The following PHIP variants were observed in gnomAD, a reference collection of about 807,000 sequenced individuals.
The protein encoded by PHIP is PHIP subunit of CUL4-Ring ligase complex, also known as PH-interacting protein.
In PHIP, 54 loss-of-function variants were observed where a neutral mutation model predicts 236.8. The observed-to-expected ratio is 0.23, with a 90% confidence interval of 0.18 to 0.29. The LOEUF (loss-of-function observed/expected upper bound fraction) is 0.29. Among genes scored for constraint, PHIP ranks in the 10% least tolerant of loss-of-function variants. The probability of loss-of-function intolerance (pLI) is 1.00; values close to 1 mark genes in which losing one functional copy is unlikely to be tolerated. For missense variants in PHIP, 1,370 were observed against 2,190.8 expected, an observed-to-expected ratio of 0.63 and a Z score of 7.48; for synonymous variants, 756 against 718.9, an observed-to-expected ratio of 1.05 and a Z score of -0.83.
At chr6:79,073,558 AATATG>A (rs1322688965) in intron 4 of PHIP, among the ~76,000 whole-genome samples, 1 of 152,224 alleles carries the variant, frequency 6.6e-6, no homozygotes, top group East Asian at 1.9e-4. Flanking sequence ...TAAAACATTT[AATATG>A]ATATCTTTTT....
At chr6:79,022,642 A>C (rs138164246) in intron 9 of PHIP, among the ~76,000 whole-genome samples, 1 of 152,232 alleles carries the variant, frequency 6.6e-6, no homozygotes, top group African/African-American at 2.4e-5. Flanking sequence ...TATTATATGC[A>C]TATTTTAGGA....
At chr6:78,967,387 CA>C (rs753114682) in intron 27 of PHIP, among the ~76,000 whole-genome samples, 19 of 152,190 alleles carry the variant, frequency 1.2e-4, no homozygotes, top group Non-Finnish European at 2.4e-4. Context: ...TGACCCTACA[CA>C]GACTGATTAT....
At chr6:79,013,415 A>G (rs1454471937) in intron 15 of PHIP, among the ~76,000 whole-genome samples, 2 of 151,734 alleles carry the variant, frequency 1.3e-5, no homozygotes, top group Non-Finnish European at 3.0e-5. Context: ...TGCTCTTTAG[A>G]GTTTTCCTAT....
chr6:79,052,871 T>A (rs1407003004), intron 6 of PHIP, among the ~76,000 whole-genome samples: 1 of 152,042 alleles, frequency 6.6e-6, no homozygotes, highest in South Asian at 2.1e-4. Context: ...CATTAACACA[T>A]AAAGAATTTC....
chr6:79,049,415 T>G (rs1772676582), intron 6 of PHIP, among the ~76,000 whole-genome samples: 1 of 152,180 alleles, frequency 6.6e-6, no homozygotes, highest in African/African-American at 2.4e-5. Context: ...GAAGGAAAGC[T>G]CCCAGGTTTT....
chr6:79,001,918 C>G lies in PHIP; in HGVS notation c.1860G>C (p.Gln620His), dbSNP rs1199478316. The G allele has an allele frequency of 6.2e-7, 1 of 1,610,622 alleles. No individual in the cohort carries two copies. Among genetic ancestry groups the G allele is most frequent in the African/African-American group, 1.3e-5 (1 of 74,812 alleles). Reference protein sequence around the residue: ...ENCREEQLIPQMGVTSSGLNQ... With the variant: ...ENCREEQLIPHMGVTSSGLNQ... Reference sequence around the variant, plus strand: ...ACCTACCTGAGGAAGTTACTCCCATCTGAGGGATGAGTTGCTCCTCCCTGC... The same window carrying G: ...ACCTACCTGAGGAAGTTACTCCCATGTGAGGGATGAGTTGCTCCTCCCTGC... Residue 620 changes from glutamine to histidine, a missense_variant, in exon 17 of 40, where the codon CAG becomes CAC. By Grantham distance (24) the Gln-to-His change is conservative (BLOSUM62 0). This residue lies in a region of PHIP where 133 missense variants were observed against 245.2 expected (regional missense o/e 0.54). Coordinates refer to ENST00000275034, the MANE Select transcript of PHIP (RefSeq NM_017934.7).
chr6:78,957,198 CA>C (rs1363008318), intron 32 of PHIP: 2 of 151,932 alleles, frequency 1.3e-5, no homozygotes, highest in Admixed American at 1.3e-4. Flanking sequence ...AATGTATTAA[CA>C]ATTTTCATCT....
In PHIP at chr6:78,973,181, A is replaced by G. The variant is rs564429637; in HGVS notation, c.2890-2293T>C. Among the ~76,000 whole-genome samples the G allele has an allele frequency of 6.6e-4, 100 of 152,290 alleles. 1 individual carries two copies. In the South Asian group the frequency reaches 8.1e-3, roughly 12 times the overall value. On this transcript the variant is annotated intron_variant, in intron 24 of 39. Coordinates refer to ENST00000275034, the MANE Select transcript of PHIP (RefSeq NM_017934.7). ...CCATTAGACTAACAGCGGATCTCTCAGCAGAAACTCTACAAGCCAGAAGAG... is the reference window on the plus strand; with the variant it reads ...CCATTAGACTAACAGCGGATCTCTCGGCAGAAACTCTACAAGCCAGAAGAG...
Position 78,955,224 on chromosome 6 carries a change from T to C in PHIP, c.3903+8A>G, listed in dbSNP as rs1299722276. The C allele has an allele frequency of 6.3e-7, 1 of 1,593,086 alleles. No homozygotes were observed. Among genetic ancestry groups the C allele is most frequent in the East Asian group, 2.2e-5 (1 of 44,502 alleles). On this transcript the variant is annotated splice_region_variant and intron_variant, in intron 34 of 39. Coordinates refer to ENST00000275034, the MANE Select transcript of PHIP (RefSeq NM_017934.7). ...AAAGTACTTCTGCTAAAACTAAAAC[T>C]ATATTACCTTCCTTTTTCGAGTAGA...
intron 4 of PHIP, among the ~76,000 whole-genome samples, chr6:79,071,578 T>C (rs78334448): frequency 6.6e-5 from 10 of 152,152 alleles, no homozygotes; most frequent in African/African-American, 2.4e-4. Context: ...ATCCTAAAAT[T>C]AGCTGTTAAA....
Position 79,060,650 on chromosome 6 carries a change from A to G in PHIP, c.340+18T>C, listed in dbSNP as rs749236070. 6.2e-7 allele frequency: 1 copy of G among 1,609,408 alleles called. No individual in the cohort carries two copies. The highest frequency in any genetic ancestry group is 1.1e-5 in the South Asian group (1 of 90,486). ...GTGAGATAAATAATGTCTAAATCCT[A>G]TGAGAAAATTTTCATACTTTTATTT... On this transcript the variant is annotated intron_variant, in intron 5 of 39. Coordinates refer to ENST00000275034, the MANE Select transcript of PHIP (RefSeq NM_017934.7).
intron 27 of PHIP, 32 bp from the exon 28 acceptor site, chr6:78,966,088 T>G (rs766361351): frequency 1.6e-6 from 2 of 1,264,314 alleles, no homozygotes; most frequent in Admixed American, 1.7e-5. Context: ...CTCATCATTC[T>G]GAAATGCATG....
rs116000116 is a variant in PHIP, at chr6:79,045,307, T to C, written c.440-2304A>G. Among the ~76,000 whole-genome samples the C allele has an allele frequency of 4.8e-3, 733 of 152,288 alleles. 7 individuals carry two copies. Among genetic ancestry groups the C allele is most frequent in the African/African-American group, 0.017 (698 of 41,580 alleles). On this transcript the variant is annotated intron_variant, in intron 6 of 39. Transcript: ENST00000275034. ...AAATGTAAGTATAGTTCAGTAGTTG[T>C]ACAACTGAAGAGGTTGAATTTGAGG...
intron 4 of PHIP, among the ~76,000 whole-genome samples, chr6:79,074,648 T>G (rs893781224): frequency 6.6e-6 from 1 of 152,116 alleles, no homozygotes; most frequent in African/African-American, 2.4e-5. Context: ...AATCTTAAGG[T>G]AGATGGTGAT....
chr6:79,077,757 G>A (rs1774255389), intron 2 of PHIP, 28 bp from the exon 3 acceptor site: 3 of 980,902 alleles, frequency 3.1e-6, no homozygotes, highest in African/African-American at 1.8e-5. Flanking sequence ...GGAGAGCTGA[G>A]CCCCGCGCCC....
At chr6:78,941,369 CTT>C in intron 39 of PHIP, 39 bp from the exon 40 acceptor site, 1 of 1,514,082 alleles carries the variant, frequency 6.6e-7, no homozygotes, top group Admixed American at 2.1e-5. Context: ...TATGGAGTTT[CTT>C]TTTTTGTTTG....
intron 7 of PHIP, among the ~76,000 whole-genome samples, chr6:79,034,823 T>C (rs558422695): frequency 6.6e-6 from 1 of 152,316 alleles, no homozygotes; most frequent in Non-Finnish European, 1.5e-5. Flanking sequence ...AATGGTTGAA[T>C]TCTCTAAGTG....
At chr6:78,989,011 C>A (rs574481188) in intron 20 of PHIP, among the ~76,000 whole-genome samples, 7 of 152,086 alleles carry the variant, frequency 4.6e-5, no homozygotes, top group Admixed American at 6.6e-5. Flanking sequence ...AGAATACAAC[C>A]AATAAACACT....
intron 17 of PHIP, among the ~76,000 whole-genome samples, 157 bp downstream of exon 17, chr6:79,001,742 T>G (rs1237425024): frequency 6.6e-6 from 1 of 152,138 alleles, no homozygotes; most frequent in African/African-American, 2.4e-5. Context: ...AATTAACTTG[T>G]AATCCTTAAG....
Sources: allele counts gnomAD v4.1 joint callset (sites outside exome capture counted in the v4.1 genomes callset), GRCh38; gene constraint gnomAD v4.1.1; regional missense constraint gnomAD v4.1.1; transcripts MANE v1.5; gene names NCBI Gene and HGNC (gene_info 2026-07-23, HGNC 2026-07-21).